Variants in ZFAND3 observed in about 807,000 individuals in gnomAD.
The protein encoded by ZFAND3 is zinc finger AN1-type containing 3.
ZFAND3 carries 10 observed loss-of-function variants against 29.6 expected under a neutral mutation model. The ratio of observed to expected loss-of-function variants is 0.34; its 90% confidence interval spans 0.21 to 0.57. The LOEUF is 0.57. Among genes scored for constraint, ZFAND3 ranks in the 20% least tolerant of loss-of-function variants. The pLI, the probability that ZFAND3 is intolerant of heterozygous loss-of-function variation, is 0.86. For missense variants in ZFAND3, 230 were observed against 304.5 expected, an observed-to-expected ratio of 0.76 and a Z score of 1.82; for synonymous variants, 128 against 112.6, an observed-to-expected ratio of 1.14 and a Z score of -0.87.
Position 38,154,347 on chromosome 6 carries a change from C to A in ZFAND3, c.*1958C>A, listed in dbSNP as rs1766305772. 1.0e-6 allele frequency: 1 copy of A among 982,606 alleles called. No homozygotes were observed. Among genetic ancestry groups the A allele is most frequent in the African/African-American group, 1.8e-5 (1 of 55,300 alleles). The allele number at this position is 982,606 out of a possible 1,614,324, so 60.9% of individuals were successfully genotyped here. A position where few individuals can be genotyped will look rare whatever the true frequency, so the allele number is the denominator to read the frequency against. On this transcript the variant is annotated 3_prime_UTR_variant, in exon 6 of 6. Transcript: ENST00000287218. ...GGGGAGCTGGCCTGGGGGAGCGAAG[C>A]CCATGTTCGCTTCCTGACTTAGAGC...
At chr6:38,045,535 G>A (rs1307139110) in intron 2 of ZFAND3, among the ~76,000 whole-genome samples, 1 of 151,976 alleles carries the variant, frequency 6.6e-6, no homozygotes, top group East Asian at 1.9e-4. Flanking sequence ...TTCCTAATTT[G>A]ATATACATTT....
At chr6:37,934,263 G>T (rs1295827857) in intron 2 of ZFAND3, among the ~76,000 whole-genome samples, 1 of 150,808 alleles carries the variant, frequency 6.6e-6, no homozygotes, top group Non-Finnish European at 1.5e-5. Context: ...GCTCACTGCA[G>T]CCTCTGCCTC....
At chr6:38,145,700 C>T (rs945816873) in intron 5 of ZFAND3, among the ~76,000 whole-genome samples, 13 of 152,198 alleles carry the variant, frequency 8.5e-5, no homozygotes, top group East Asian at 7.7e-4. Context: ...AATTTTCTGC[C>T]GGGAATGTGT....
At chr6:38,115,623 G>C (rs1765400273) in intron 4 of ZFAND3, among the ~76,000 whole-genome samples, 1 of 152,116 alleles carries the variant, frequency 6.6e-6, no homozygotes, top group Non-Finnish European at 1.5e-5. Flanking sequence ...TTTTGAGGAA[G>C]ACTGTTTAGG....
intron 1 of ZFAND3, among the ~76,000 whole-genome samples, chr6:37,843,746 T>C (rs1764123075): frequency 6.6e-6 from 1 of 152,128 alleles, no homozygotes; most frequent in Admixed American, 6.5e-5. Context: ...TGAGACCTCT[T>C]TTTCTTTTCT....
intron 2 of ZFAND3, among the ~76,000 whole-genome samples, chr6:37,995,367 GCAACCTAAGGTATTA>G (rs1234612578): frequency 1.3e-5 from 2 of 152,198 alleles, no homozygotes; most frequent in African/African-American, 4.8e-5. Context: ...GTTGTCTTCA[GCAACCTAAGGTATTA>G]ATATGTCTAA....
intron 2 of ZFAND3, among the ~76,000 whole-genome samples, chr6:38,034,620 A>G (rs1440993335): frequency 6.6e-6 from 1 of 152,158 alleles, no homozygotes; most frequent in Non-Finnish European, 1.5e-5. Context: ...GTGTGGCTTC[A>G]AAATTAATAT....
intron 1 of ZFAND3, among the ~76,000 whole-genome samples, chr6:37,922,346 A>G (rs995479403): frequency 3.9e-5 from 6 of 152,190 alleles, no homozygotes; most frequent in Non-Finnish European, 4.4e-5. Context: ...GAGTGTGACT[A>G]CATTATAGTA....
At position 37,819,838 on chromosome 6, in the gene ZFAND3, C is replaced by T. The variant is rs1763624018; in HGVS notation, c.-108C>T. The T allele has an allele frequency of 4.9e-6, 3 of 616,844 alleles. No homozygotes were observed. The highest frequency in any genetic ancestry group is 6.4e-6 in the Non-Finnish European group (3 of 466,770). 38.2% of individuals were successfully genotyped at this position (616,844 alleles called of 1,614,324 possible). Reference sequence around the variant, plus strand: ...CCCGCGCGCCCGCTCCTTCCCCCTCCCCCCGCCCCGAGCCCCCCGACGCCG... The same window carrying T: ...CCCGCGCGCCCGCTCCTTCCCCCTCTCCCCGCCCCGAGCCCCCCGACGCCG... On this transcript the variant is annotated 5_prime_UTR_variant, in exon 1 of 6. Coordinates refer to ENST00000287218, the MANE Select transcript of ZFAND3 (RefSeq NM_021943.3).
intron 1 of ZFAND3, among the ~76,000 whole-genome samples, chr6:37,916,513 A>G (rs539313937): frequency 1.3e-5 from 2 of 150,934 alleles, no homozygotes; most frequent in Admixed American, 1.3e-4. Flanking sequence ...AAAAAAAATT[A>G]GCTGGGCGTG....
intron 5 of ZFAND3, among the ~76,000 whole-genome samples, chr6:38,117,402 T>C (rs1765442435): frequency 6.6e-6 from 1 of 152,014 alleles, no homozygotes; most frequent in African/African-American, 2.4e-5. Flanking sequence ...TGTAGTGTAA[T>C]ACCTTTTAGA....
At chr6:38,028,362 A>G (rs1763487237) in intron 2 of ZFAND3, among the ~76,000 whole-genome samples, 1 of 152,156 alleles carries the variant, frequency 6.6e-6, no homozygotes, top group Admixed American at 6.5e-5. Context: ...AGAATTTTAG[A>G]TACACATTAC....
At chr6:37,895,148 T>C (rs747441217) in intron 1 of ZFAND3, among the ~76,000 whole-genome samples, 1 of 152,086 alleles carries the variant, frequency 6.6e-6, no homozygotes, top group Non-Finnish European at 1.5e-5. Flanking sequence ...TATTAAGCCT[T>C]TTAAAGTTTC....
intron 1 of ZFAND3, among the ~76,000 whole-genome samples, chr6:37,837,134 A>G (rs751630152): frequency 5.8e-4 from 88 of 152,218 alleles, no homozygotes; most frequent in Non-Finnish European, 9.7e-4. Flanking sequence ...ATAATGAAAT[A>G]TATTTCTTAA....
chr6:38,139,882 G>GT (rs2127494704), intron 5 of ZFAND3, among the ~76,000 whole-genome samples: 1 of 152,318 alleles, frequency 6.6e-6, no homozygotes, highest in African/African-American at 2.4e-5. Context: ...GGCTATTGCA[G>GT]TAGCCCTGGA....
At chr6:37,888,672 A>G (rs189214848) in intron 1 of ZFAND3, among the ~76,000 whole-genome samples, 5 of 152,230 alleles carry the variant, frequency 3.3e-5, no homozygotes, top group East Asian at 1.9e-4. Flanking sequence ...ATGTTTTACT[A>G]TTTGCGGAAA....
chr6:38,152,414 C>T lies in ZFAND3; in HGVS notation c.*25C>T, dbSNP rs369864859. 8.4e-5 allele frequency: 130 copies of T among 1,546,174 alleles called. No individual in the cohort carries two copies. Among genetic ancestry groups the T allele is most frequent in the Non-Finnish European group, 9.5e-5 (109 of 1,148,294 alleles). ...AAGGCCAGGCATGGCCACCACGTGA[C>T]GCTGTTCTTAGTTCACTAATGTTAG... On this transcript the variant is annotated 3_prime_UTR_variant, in exon 6 of 6. Coordinates refer to ENST00000287218, the MANE Select transcript of ZFAND3 (RefSeq NM_021943.3).
At chr6:38,092,607 CTAGGAG>C (rs1030958953) in intron 4 of ZFAND3, among the ~76,000 whole-genome samples, 1 of 151,864 alleles carries the variant, frequency 6.6e-6, no homozygotes, top group Non-Finnish European at 1.5e-5. Context: ...GAGGGAAAGT[CTAGGAG>C]TAGGACTGTG....
chr6:37,846,444 A>G (rs1424920850), intron 1 of ZFAND3, among the ~76,000 whole-genome samples: 1 of 152,200 alleles, frequency 6.6e-6, no homozygotes, highest in Non-Finnish European at 1.5e-5. Flanking sequence ...TAAAAGGGAA[A>G]ATTATAGTAT....
Sources: gnomAD v4.1 joint callset for allele counts (sites outside exome capture counted in the v4.1 genomes callset) on GRCh38, gnomAD v4.1.1 for gene constraint, MANE v1.5 for transcripts, NCBI Gene and HGNC (gene_info 2026-07-23, HGNC 2026-07-21) for gene names.